Variants in RNF220 observed in about 807,000 individuals in gnomAD.
The protein encoded by RNF220 is ring finger protein 220, also known as E3 ubiquitin-protein ligase RNF220.
RNF220 carries 7 observed loss-of-function variants against 67.1 expected under a neutral mutation model. The observed-to-expected ratio is 0.10, with a 90% CI of 0.06 to 0.20. The LOEUF (loss-of-function observed/expected upper bound fraction) is 0.20. Ranked by LOEUF, RNF220 falls within the 10% of genes least tolerant of loss-of-function variation. The pLI, the probability that RNF220 is intolerant of heterozygous loss-of-function variation, is 1.00. For synonymous variants in RNF220, 270 were observed against 283.2 expected, an observed-to-expected ratio of 0.95 and a Z score of 0.47; for missense variants, 565 against 740.3, an observed-to-expected ratio of 0.76 and a Z score of 2.75.
intron 2 of RNF220, among the ~76,000 whole-genome samples, chr1:44,436,841 T>C (rs917241378): frequency 6.6e-6 from 1 of 152,172 alleles, no homozygotes; most frequent in Non-Finnish European, 1.5e-5. Flanking sequence ...GAGCGCCCTC[T>C]CGTCTGTTTA....
intron 2 of RNF220, among the ~76,000 whole-genome samples, chr1:44,523,679 A>C (rs1159122699): frequency 1.3e-5 from 2 of 151,982 alleles, no homozygotes. Context: ...CCTGCTTCGC[A>C]TGGTGTTAGG....
At chr1:44,635,505 T>G in intron 6 of RNF220, 40 bp from the exon 7 acceptor site, 1 of 1,606,092 alleles carries the variant, frequency 6.2e-7, no homozygotes. Context: ...GCAGTGACCG[T>G]CTGCTTGTTC....
intron 2 of RNF220, among the ~76,000 whole-genome samples, chr1:44,429,647 G>C (rs562730431): frequency 3.9e-5 from 6 of 152,324 alleles, no homozygotes; most frequent in Admixed American, 6.5e-5. Flanking sequence ...AAAACTTGAA[G>C]ATGGAGGTGG....
At chr1:44,573,739 G>A (rs1293479946) in intron 2 of RNF220, among the ~76,000 whole-genome samples, 1 of 152,154 alleles carries the variant, frequency 6.6e-6, no homozygotes, top group Non-Finnish European at 1.5e-5. Flanking sequence ...GAGCTTACTA[G>A]GCCCTACATC....
At chr1:44,478,082 G>A (rs563543812) in intron 2 of RNF220, among the ~76,000 whole-genome samples, 98 of 152,200 alleles carry the variant, frequency 6.4e-4, no homozygotes, top group Middle Eastern at 3.4e-3. Flanking sequence ...GGGTTCAAGC[G>A]ATTCTCCTGT....
At chr1:44,510,268 A>G (rs1229935540) in intron 2 of RNF220, among the ~76,000 whole-genome samples, 3 of 126,724 alleles carry the variant, frequency 2.4e-5, no homozygotes, top group East Asian at 2.5e-4. Context: ...GAGAGAGAGG[A>G]GGGAGGGAGG....
Position 44,412,600 on chromosome 1 carries a change from A to C in RNF220, c.503A>C (p.Gln168Pro), listed in dbSNP as rs775501580. The C allele has an allele frequency of 8.1e-6, 13 of 1,614,080 alleles. No homozygotes were observed. In the African/African-American group the frequency reaches 1.5e-4, roughly 18 times the overall value. Residue 168 changes from glutamine to proline, a missense_variant, in exon 2 of 15, where the codon CAG becomes CCG. Gln to Pro is a moderately conservative substitution (Grantham distance 76, BLOSUM62 -1). Coordinates refer to ENST00000361799, the MANE Select transcript of RNF220 (RefSeq NM_018150.4). This position sits in a 1 kb window ranked among gnomAD's most constrained non-coding sequence, Gnocchi z 5.3. ...GGCAAGGAATATGACTTTGGGACAC[A>C]GCTGCCATCTAGCTCCCCCGGTTCA... ...ADGKEYDFGT[Q>P]LPSSSPGSLK...
At chr1:44,513,794 G>C (rs529090407) in intron 2 of RNF220, among the ~76,000 whole-genome samples, 4 of 152,214 alleles carry the variant, frequency 2.6e-5, no homozygotes, top group African/African-American at 9.6e-5. Context: ...ATGTGTGCGC[G>C]TGTGTCTGTG....
chr1:44,647,734 C>G (rs1274245835), intron 12 of RNF220, among the ~76,000 whole-genome samples: 1 of 152,202 alleles, frequency 6.6e-6, no homozygotes, highest in Non-Finnish European at 1.5e-5. Context: ...TTACCACTCA[C>G]ATCCAGCAAT....
chr1:44,474,737 C>A (rs1019087381), intron 2 of RNF220, among the ~76,000 whole-genome samples: 4 of 151,730 alleles, frequency 2.6e-5, no homozygotes, highest in African/African-American at 9.7e-5. Flanking sequence ...AACAACAATA[C>A]AAAAATAAAT....
chr1:44,614,677 G>T (rs1033491643), intron 3 of RNF220, among the ~76,000 whole-genome samples: 2 of 152,102 alleles, frequency 1.3e-5, no homozygotes, highest in African/African-American at 2.4e-5. Flanking sequence ...CCTTCCTCCA[G>T]TGGGGTGGAC....
At position 44,607,538 on chromosome 1, in the gene RNF220, G is replaced by T. The variant is rs1381095288; in HGVS notation, c.626-6627G>T. Among the ~76,000 whole-genome samples, 3 of 150,834 alleles carry T rather than the reference G, an allele frequency of 2.0e-5. No homozygotes were observed. The East Asian group carries it at 5.8e-4, about 29-fold the overall frequency. ...GTCTCGCTTTGTCACCCAGGCTGGA[G>T]TGCAGTGGTGCAATCTCAGCTCACT... On this transcript the variant is annotated intron_variant, in intron 2 of 14. Coordinates refer to ENST00000361799, the MANE Select transcript of RNF220 (RefSeq NM_018150.4).
chr1:44,597,468 G>GCACACACACACA (rs56375404), intron 2 of RNF220, among the ~76,000 whole-genome samples: 2 of 135,650 alleles, frequency 1.5e-5, no homozygotes, highest in Non-Finnish European at 3.2e-5. Flanking sequence ...TCTCTCTCAT[G>GCACACACACACA]CACACACACA....
chr1:44,524,251 G>A (rs950530139), intron 2 of RNF220, among the ~76,000 whole-genome samples: 3 of 152,036 alleles, frequency 2.0e-5, no homozygotes, highest in African/African-American at 4.8e-5. Flanking sequence ...GCGAACTGCC[G>A]CCGCCACCGC....
intron 2 of RNF220, among the ~76,000 whole-genome samples, chr1:44,475,568 CAA>C (rs35917344): frequency 1.1e-3 from 81 of 70,978 alleles, no homozygotes; most frequent in Non-Finnish European, 1.3e-3. Context: ...GACTCGGTCT[CAA>C]AAAAAAAAAA....
rs201061360 is a variant in RNF220, at chr1:44,552,565, TC to T, written c.626-61599del. Among the ~76,000 whole-genome samples, 204 of 88,816 alleles carry T rather than the reference TC, an allele frequency of 2.3e-3. 16 individuals carry two copies. The highest frequency in any genetic ancestry group is 7.1e-3 in the African/African-American group (170 of 24,016). 58.3% of individuals were successfully genotyped at this position (88,816 alleles called of 152,430 possible). A position where few individuals can be genotyped will look rare whatever the true frequency, so the allele number is the denominator to read the frequency against. ...TGGCTCCCTGCTATTCTAAACTTCT[TC>T]TTTTTTTTTTTTTTTTTTTTTTGAG... On this transcript the variant is annotated intron_variant, in intron 2 of 14. Coordinates refer to ENST00000361799, the MANE Select transcript of RNF220 (RefSeq NM_018150.4).
intron 2 of RNF220, among the ~76,000 whole-genome samples, chr1:44,494,512 AT>A (rs1458969168): frequency 6.6e-6 from 1 of 152,148 alleles, no homozygotes; most frequent in East Asian, 1.9e-4. Context: ...CAGGCATAAC[AT>A]GGAGCACCAG....
chr1:44,531,582 A>G (rs1043656735), intron 2 of RNF220, among the ~76,000 whole-genome samples: 1 of 152,220 alleles, frequency 6.6e-6, no homozygotes, highest in Non-Finnish European at 1.5e-5. Context: ...CCTGGCAGGT[A>G]GTGGGTGTTT....
chr1:44,539,498 A>AAGG (rs1661513761), intron 2 of RNF220, among the ~76,000 whole-genome samples: 1 of 152,216 alleles, frequency 6.6e-6, no homozygotes, highest in Non-Finnish European at 1.5e-5. Flanking sequence ...GGATTCACGT[A>AAGG]GCCTGGAGCC....
Sources: gnomAD v4.1 joint callset for allele counts (sites outside exome capture counted in the v4.1 genomes callset) on GRCh38, gnomAD v4.1.1 for gene constraint, Gnocchi (gnomAD v3.1) non-coding constraint, MANE v1.5 for transcripts, NCBI Gene and HGNC (gene_info 2026-07-23, HGNC 2026-07-21) for gene names.